Variants in GAS2 observed in about 807,000 individuals in gnomAD.
GAS2 encodes the protein growth arrest specific 2.
A neutral mutation model predicts 37.5 loss-of-function variants in GAS2; 20 were observed. That is an observed-to-expected ratio of 0.53 (90% CI 0.37 to 0.77). The LOEUF (loss-of-function observed/expected upper bound fraction) is 0.77. Among genes scored for constraint, GAS2 ranks in the 30% least tolerant of loss-of-function variants. The pLI, the probability that GAS2 is intolerant of heterozygous loss-of-function variation, is 0.00. For synonymous variants in GAS2, 144 were observed against 132.2 expected (o/e 1.09, Z -0.61); for missense variants, 336 against 373.4 (o/e 0.90, Z 0.82).
chr11:22,777,953 A>G (rs181291688), intron 7 of GAS2, among the ~76,000 whole-genome samples: 3 of 152,328 alleles, frequency 2.0e-5, no homozygotes, highest in Admixed American at 1.3e-4. Context: ...TGCTATGTGC[A>G]TTCACAAAAA....
chr11:22,687,318 C>A (rs903871841), intron 3 of GAS2, among the ~76,000 whole-genome samples: 1 of 152,020 alleles, frequency 6.6e-6, no homozygotes, highest in Non-Finnish European at 1.5e-5. Flanking sequence ...CGGAATGAGA[C>A]CATTTCTCAA....
chr11:22,694,693 A>G (rs1429842549), intron 3 of GAS2, among the ~76,000 whole-genome samples: 1 of 152,164 alleles, frequency 6.6e-6, no homozygotes, highest in East Asian at 1.9e-4. Context: ...AAATCTAGCA[A>G]ACTTTAATAG....
intron 7 of GAS2, among the ~76,000 whole-genome samples, chr11:22,766,771 A>G (rs1192919655): frequency 6.6e-6 from 1 of 152,168 alleles, no homozygotes; most frequent in East Asian, 1.9e-4. Flanking sequence ...GGAATGAAGA[A>G]ACTAAGGAAC....
At chr11:22,680,525 T>C (rs2133917050) in intron 2 of GAS2, among the ~76,000 whole-genome samples, 1 of 152,240 alleles carries the variant, frequency 6.6e-6, no homozygotes, top group East Asian at 1.9e-4. Context: ...AGAGGTACAG[T>C]GGGGATGAAA....
At chr11:22,809,490 A>ATTC (rs752942344) in intron 7 of GAS2, among the ~76,000 whole-genome samples, 6 of 151,506 alleles carry the variant, frequency 4.0e-5, no homozygotes, top group Non-Finnish European at 7.4e-5. Context: ...TATTATTATT[A>ATTC]TTATCATTAT....
At chr11:22,756,305 G>A (rs867398612) in intron 7 of GAS2, among the ~76,000 whole-genome samples, 210 of 151,810 alleles carry the variant, frequency 1.4e-3, no homozygotes, top group African/African-American at 4.8e-3. Flanking sequence ...TTAAAAAAAA[G>A]AAAAGAAAAG....
In GAS2 at chr11:22,799,822, C is replaced by A. The variant is rs1856581319; in HGVS notation, c.724-11976C>A. ...AACATGCATTTATTCATTTAATATT[C>A]ATCTAATAAACATTGTGTGCCCGGC... On this transcript the variant is annotated intron_variant, in intron 7 of 7. Transcript: ENST00000454584. Among the ~76,000 whole-genome samples, 7 of 152,034 alleles carry A rather than the reference C, an allele frequency of 4.6e-5. No individual in the cohort carries two copies. The South Asian group carries it at 1.5e-3, about 32-fold the overall frequency.
intron 1 of GAS2, among the ~76,000 whole-genome samples, chr11:22,653,035 C>CTTTCTTTCTTTCTTTCTT (rs562393334): frequency 1.0e-3 from 8 of 7,652 alleles, no homozygotes; most frequent in East Asian, 8.8e-3. Flanking sequence ...TTCTTTCTTT[C>CTTTCTTTCTTTCTTTCTT]TCTTTCTTTC....
intron 7 of GAS2, among the ~76,000 whole-genome samples, chr11:22,803,186 T>TA (rs1442746106): frequency 3.9e-5 from 6 of 152,056 alleles, no homozygotes; most frequent in African/African-American, 1.4e-4. Context: ...AGCATTAAAA[T>TA]AAAAAACCAG....
intron 3 of GAS2, among the ~76,000 whole-genome samples, chr11:22,724,057 C>A (rs1463469753): frequency 6.6e-6 from 1 of 151,850 alleles, no homozygotes. Flanking sequence ...TGAATTATTT[C>A]TAAATTTACA....
intron 1 of GAS2, among the ~76,000 whole-genome samples, chr11:22,659,281 T>G (rs1248417666): frequency 6.6e-6 from 1 of 152,200 alleles, no homozygotes; most frequent in Non-Finnish European, 1.5e-5. Context: ...CTGCATTTTA[T>G]TTTGAAGTCA....
At chr11:22,771,095 T>G (rs945831189) in intron 7 of GAS2, among the ~76,000 whole-genome samples, 18 of 152,194 alleles carry the variant, frequency 1.2e-4, no homozygotes, top group Non-Finnish European at 1.9e-4. Context: ...TTTACTTTTT[T>G]TTTTTTCATG....
chr11:22,670,625 AAC>A (rs1849160830), intron 1 of GAS2, among the ~76,000 whole-genome samples: 1 of 152,132 alleles, frequency 6.6e-6, no homozygotes, highest in Non-Finnish European at 1.5e-5. Flanking sequence ...GCTAATAAAA[AAC>A]ATATCGAATA....
chr11:22,629,457 T>C (rs1858714792), intron 1 of GAS2, among the ~76,000 whole-genome samples: 1 of 152,204 alleles, frequency 6.6e-6, no homozygotes, highest in Admixed American at 6.5e-5. Context: ...ACTACATCCA[T>C]GCCAACATCT....
intron 7 of GAS2, among the ~76,000 whole-genome samples, chr11:22,777,269 T>C (rs1855307207): frequency 6.6e-6 from 1 of 152,176 alleles, no homozygotes; most frequent in African/African-American, 2.4e-5. Context: ...TGTGGAATAA[T>C]CTGTCAGACA....
intron 7 of GAS2, among the ~76,000 whole-genome samples, chr11:22,793,135 G>T (rs1328498620): frequency 6.6e-6 from 1 of 152,050 alleles, no homozygotes; most frequent in Non-Finnish European, 1.5e-5. Context: ...TTAGTCAGGT[G>T]TGGTGCCACA....
intron 2 of GAS2, 73 bp from the exon 3 acceptor site, chr11:22,685,593 CTG>C (rs3834428): frequency 0.028 from 41,619 of 1,482,630 alleles, 760 homozygotes; most frequent in Admixed American, 0.075. Flanking sequence ...AGTGATAAAA[CTG>C]TGTCAAATAT....
At chr11:22,649,041 T>C (rs1848739112) in intron 1 of GAS2, among the ~76,000 whole-genome samples, 2 of 152,210 alleles carry the variant, frequency 1.3e-5, no homozygotes, top group South Asian at 2.1e-4. Context: ...CAGTATGATA[T>C]TGGCTGTGGG....
chr11:22,670,614 T>C (rs1294310200), intron 1 of GAS2, among the ~76,000 whole-genome samples: 2 of 152,150 alleles, frequency 1.3e-5, no homozygotes, highest in Non-Finnish European at 2.9e-5. Context: ...ATTTCTATTT[T>C]GCTAATAAAA....
Sources: allele counts gnomAD v4.1 joint callset (sites outside exome capture counted in the v4.1 genomes callset), GRCh38; gene constraint gnomAD v4.1.1; transcripts MANE v1.5; gene names NCBI Gene and HGNC (gene_info 2026-07-23, HGNC 2026-07-21).